ABCG1: variants seen among roughly 807,000 people sequenced by gnomAD.
ABCG1 encodes the protein ATP-binding cassette sub-family G member 1.
In ABCG1, 29 loss-of-function variants were observed where a neutral mutation model predicts 69.2. The ratio of observed to expected loss-of-function variants is 0.42; its 90% CI spans 0.31 to 0.57. The LOEUF is 0.57. Among genes scored for constraint, ABCG1 ranks in the 20% least tolerant of loss-of-function variants. The pLI is 0.15. For synonymous variants in ABCG1, 370 were observed against 374.8 expected (o/e 0.99, Z 0.15); for missense variants, 718 against 898.1 (o/e 0.80, Z 2.56).
chr21:42,254,770 A>G (rs892304523), intron 2 of ABCG1, among the ~76,000 whole-genome samples: 23 of 152,182 alleles, frequency 1.5e-4, no homozygotes, highest in Non-Finnish European at 2.5e-4. Flanking sequence ...GGGAGGGAGG[A>G]AGAGGGGTCT....
chr21:42,284,756 G>A (rs957204148), intron 7 of ABCG1, 73 bp downstream of exon 7: 85 of 1,552,130 alleles, frequency 5.5e-5, no homozygotes, highest in Non-Finnish European at 6.8e-5. Flanking sequence ...CCAAACCCTG[G>A]GTACCCACTG....
chr21:42,292,947 T>C (rs1229869026), intron 13 of ABCG1, among the ~76,000 whole-genome samples: 9 of 60,750 alleles, frequency 1.5e-4, no homozygotes, highest in Admixed American at 2.0e-4. Flanking sequence ...ACTAAACACA[T>C]ACGACACTAC....
At chr21:42,254,574 T>C (rs7279750) in intron 2 of ABCG1, among the ~76,000 whole-genome samples, 38,463 of 152,220 alleles carry the variant, frequency 0.25, 5,700 homozygotes, top group African/African-American at 0.41. Flanking sequence ...CCCTTCCTGT[T>C]TCAGAAGGTG....
chr21:42,221,075 G>A (rs1227611068), intron 1 of ABCG1: 2 of 152,200 alleles, frequency 1.3e-5, no homozygotes, highest in Non-Finnish European at 1.5e-5. Context: ...AGACAGTAAC[G>A]GCTGGGCTCA....
intron 2 of ABCG1, among the ~76,000 whole-genome samples, chr21:42,230,133 A>G (rs1214242076): frequency 6.6e-6 from 1 of 152,228 alleles, no homozygotes; most frequent in Non-Finnish European, 1.5e-5. Flanking sequence ...GATTCTGTAA[A>G]ACTTTTGAGC....
chr21:42,232,120 C>A (rs1320489449), intron 2 of ABCG1, among the ~76,000 whole-genome samples: 1 of 152,224 alleles, frequency 6.6e-6, no homozygotes, highest in Non-Finnish European at 1.5e-5. Context: ...TGGAACAGTT[C>A]TGACCCCTCT....
intron 2 of ABCG1, among the ~76,000 whole-genome samples, chr21:42,269,987 C>T (rs900730852): frequency 6.7e-5 from 10 of 150,292 alleles, no homozygotes; most frequent in Admixed American, 2.0e-4. Context: ...GCCCCTGGGC[C>T]GGGCGCGGTG....
intron 2 of ABCG1, among the ~76,000 whole-genome samples, chr21:42,237,470 G>A (rs192887525): frequency 6.6e-6 from 1 of 152,168 alleles, no homozygotes; most frequent in African/African-American, 2.4e-5. Context: ...GTCTTTCTTG[G>A]TTACTCTTCG....
At chr21:42,267,847 G>C (rs1413141800) in intron 2 of ABCG1, among the ~76,000 whole-genome samples, 3 of 143,756 alleles carry the variant, frequency 2.1e-5, no homozygotes, top group East Asian at 2.1e-4. Context: ...TCTGGGTTCT[G>C]TCTGGGTCTG....
chr21:42,211,080 C>T (rs1437898051), upstream of ABCG1, among the ~76,000 whole-genome samples: 1 of 151,980 alleles, frequency 6.6e-6, no homozygotes, highest in Non-Finnish European at 1.5e-5. Flanking sequence ...CTGCCTCAGC[C>T]TCTGGAGTAG....
intron 7 of ABCG1, 99 bp from the exon 8 acceptor site, chr21:42,285,777 CTGAT>C (rs953666304): frequency 6.2e-5 from 50 of 808,162 alleles, no homozygotes; most frequent in Non-Finnish European, 1.0e-4. Context: ...GCTGGGCTGA[CTGAT>C]TGATCGGTTG....
chr21:42,239,083 T>G (rs1245170843), intron 2 of ABCG1, among the ~76,000 whole-genome samples: 1 of 152,138 alleles, frequency 6.6e-6, no homozygotes, highest in Non-Finnish European at 1.5e-5. Flanking sequence ...AAAAAATGAT[T>G]CCAGGTGTAG....
intron 2 of ABCG1, among the ~76,000 whole-genome samples, chr21:42,204,842 A>T (rs953490774): frequency 6.6e-6 from 1 of 152,140 alleles, no homozygotes; most frequent in Non-Finnish European, 1.5e-5. Context: ...AAAATATTAT[A>T]TTTGTCTGAT....
chr21:42,295,854 T>C (rs2069198283), intron 14 of ABCG1, among the ~76,000 whole-genome samples: 4 of 152,198 alleles, frequency 2.6e-5, no homozygotes, highest in Admixed American at 2.6e-4. Flanking sequence ...TTAGAAAGCA[T>C]GTAACCTCGG....
At chr21:42,293,195 A>C in intron 13 of ABCG1, among the ~76,000 whole-genome samples, 1 of 130,754 alleles carries the variant, frequency 7.6e-6, no homozygotes, top group African/African-American at 3.2e-5. Context: ...ACTACACACT[A>C]CACACCACAC....
chr21:42,237,375 C>T (rs1335291415), intron 2 of ABCG1, among the ~76,000 whole-genome samples: 2 of 152,222 alleles, frequency 1.3e-5, no homozygotes, highest in African/African-American at 4.8e-5. Context: ...TTTCTTTGGG[C>T]CACTCTCTCT....
rs200946112 is a variant in ABCG1 at position 42,290,053 on chromosome 21, C to T, written c.1228C>T (p.Leu410=). 268 of 1,614,232 alleles carry T rather than the reference C, an allele frequency of 1.7e-4. No homozygotes were observed. Among genetic ancestry groups the T allele is most frequent in the Admixed American group, 2.2e-4 (13 of 60,034 alleles). ...TFLSIMRDSV[L]THLRITSHIG... ...TAAGATGCGGGTCTGTCCCCAGGTCCTGACACACCTGCGCATCACCTCGCA... is the reference window on the plus strand; with the variant it reads ...TAAGATGCGGGTCTGTCCCCAGGTCTTGACACACCTGCGCATCACCTCGCA... The change falls in exon 11 of 15, where the codon CTG becomes TTG. Residue 410 remains leucine (L), a synonymous_variant. Transcript: ENST00000398449.
intron 10 of ABCG1, among the ~76,000 whole-genome samples, chr21:42,289,500 C>G (rs1005185875): frequency 1.3e-5 from 2 of 152,038 alleles, no homozygotes; most frequent in South Asian, 2.1e-4. Context: ...AGGATTGGGA[C>G]GGGGGGTTGG....
At chr21:42,256,507 C>T (rs1454048243) in intron 2 of ABCG1, 1 of 1,549,806 alleles carries the variant, frequency 6.5e-7, no homozygotes, top group Admixed American at 2.0e-5. Flanking sequence ...CTCCAGGTCA[C>T]CTGCGTGCCT....
Sources: allele counts gnomAD v4.1 joint callset (sites outside exome capture counted in the v4.1 genomes callset), GRCh38; gene constraint gnomAD v4.1.1; transcripts MANE v1.5; gene names NCBI Gene and HGNC (gene_info 2026-07-23, HGNC 2026-07-21).